The following PTPRM variants were observed in gnomAD, a reference collection of about 807,000 sequenced individuals.
PTPRM encodes the protein protein tyrosine phosphatase receptor type M, also known as receptor-type tyrosine-protein phosphatase mu.
PTPRM carries 47 observed loss-of-function variants against 186.7 expected under a neutral mutation model. The ratio of observed to expected loss-of-function variants is 0.25; its 90% CI spans 0.20 to 0.32. PTPRM has a LOEUF of 0.32. Ranked by LOEUF, PTPRM falls within the 10% of genes least tolerant of loss-of-function variation. PTPRM has a pLI of 1.00. For synonymous variants in PTPRM, 668 were observed against 674.9 expected (o/e 0.99, Z 0.16); for missense variants, 1,494 against 1,865.0 (o/e 0.80, Z 3.66).
At chr18:8,126,005 AT>A (rs1838341451) in intron 13 of PTPRM, among the ~76,000 whole-genome samples, 1 of 17,042 alleles carries the variant, frequency 5.9e-5, no homozygotes, top group Admixed American at 1.0e-3. Context: ...ATATATATAT[AT>A]ATATATATAT....
chr18:8,101,986 G>C (rs752729999), intron 11 of PTPRM, among the ~76,000 whole-genome samples: 9 of 152,194 alleles, frequency 5.9e-5, no homozygotes, highest in Non-Finnish European at 1.2e-4. Flanking sequence ...CTGCAATAAA[G>C]TGAATATCAC....
intron 1 of PTPRM, among the ~76,000 whole-genome samples, chr18:7,578,372 G>T (rs2036747918): frequency 7.7e-6 from 1 of 129,090 alleles, no homozygotes. Flanking sequence ...GTCTTGCTCT[G>T]TCGCCCAGGC....
At chr18:7,845,084 G>T (rs1331315073) in intron 2 of PTPRM, among the ~76,000 whole-genome samples, 1 of 152,116 alleles carries the variant, frequency 6.6e-6, no homozygotes, top group East Asian at 1.9e-4. Context: ...TTATCTGAAT[G>T]AACAGTTCTC....
At chr18:8,098,966 T>A (rs1408787575) in intron 11 of PTPRM, among the ~76,000 whole-genome samples, 5 of 152,176 alleles carry the variant, frequency 3.3e-5, no homozygotes, top group Non-Finnish European at 7.3e-5. Flanking sequence ...TTCTACTCAC[T>A]TCCTGGGGCA....
intron 19 of PTPRM, among the ~76,000 whole-genome samples, chr18:8,281,491 G>A (rs958238434): frequency 3.3e-5 from 5 of 152,148 alleles, no homozygotes; most frequent in South Asian, 4.1e-4. Context: ...TGCTGCTTGT[G>A]GTTCTGAGCT....
At chr18:7,816,050 T>A (rs1361886739) in intron 2 of PTPRM, among the ~76,000 whole-genome samples, 1 of 152,228 alleles carries the variant, frequency 6.6e-6, no homozygotes, top group Non-Finnish European at 1.5e-5. Context: ...GTGAGTGATA[T>A]GTGCCTTAGG....
rs142872299 is a variant in PTPRM, at chr18:8,100,485, A to T, written c.1856+11634A>T. Among the ~76,000 whole-genome samples, 502 of 152,298 alleles carry T rather than the reference A, an allele frequency of 3.3e-3. 2 individuals carry two copies. The highest frequency in any genetic ancestry group is 0.012 in the African/African-American group (485 of 41,572). ...GAGACCAAATCTCGTGCAAACTCAG[A>T]GTGAGATATCACTTATCCCCAAGGA... On this transcript the variant is annotated intron_variant, in intron 11 of 32. Transcript: ENST00000580170.
intron 15 of PTPRM, 151 bp from the exon 16 acceptor site, chr18:8,247,694 A>C: frequency 3.3e-6 from 2 of 605,340 alleles, no homozygotes; most frequent in Middle Eastern, 3.0e-4. Flanking sequence ...CTCAGAAACA[A>C]CTGGGAATGA....
At chr18:7,666,926 G>T (rs1278964281) in intron 1 of PTPRM, among the ~76,000 whole-genome samples, 2 of 152,148 alleles carry the variant, frequency 1.3e-5, no homozygotes, top group Admixed American at 6.5e-5. Flanking sequence ...TTTAGGGCTG[G>T]CCTGGGAGGA....
chr18:7,817,239 T>C (rs2044885964), intron 2 of PTPRM, among the ~76,000 whole-genome samples: 1 of 152,172 alleles, frequency 6.6e-6, no homozygotes, highest in African/African-American at 2.4e-5. Flanking sequence ...CATCCCAAAG[T>C]GTTGGGATTA....
chr18:8,071,499 G>A (rs1055480094), intron 8 of PTPRM, among the ~76,000 whole-genome samples: 1 of 151,996 alleles, frequency 6.6e-6, no homozygotes, highest in African/African-American at 2.4e-5. Context: ...TTTTCATCTT[G>A]GCTGTCTCTC....
intron 4 of PTPRM, among the ~76,000 whole-genome samples, chr18:7,908,986 T>C (rs941708585): frequency 1.3e-5 from 2 of 152,210 alleles, no homozygotes; most frequent in East Asian, 1.9e-4. Context: ...TCTAATGACA[T>C]AGTCTGCCTC....
At chr18:8,115,488 T>C (rs2091921669) in intron 13 of PTPRM, among the ~76,000 whole-genome samples, 1 of 152,220 alleles carries the variant, frequency 6.6e-6, no homozygotes, top group Non-Finnish European at 1.5e-5. Flanking sequence ...CTGGTCAACT[T>C]GACAGTGTTG....
chr18:8,394,659 A>G, intron 32 of PTPRM, 48 bp downstream of exon 32: 1 of 1,509,834 alleles, frequency 6.6e-7, no homozygotes, highest in Non-Finnish European at 8.9e-7. Context: ...CATTAGCATT[A>G]GAATCCACTC....
chr18:7,805,069 C>T (rs2044165320), intron 2 of PTPRM, among the ~76,000 whole-genome samples: 2 of 152,198 alleles, frequency 1.3e-5, no homozygotes, highest in Admixed American at 1.3e-4. Context: ...TTAAAAGTGA[C>T]AGAAGCACTT....
At chr18:7,858,571 ATAAG>A (rs888157520) in intron 2 of PTPRM, among the ~76,000 whole-genome samples, 11 of 152,188 alleles carry the variant, frequency 7.2e-5, no homozygotes, top group Middle Eastern at 3.2e-3. Flanking sequence ...AAAACAAAAA[ATAAG>A]TAAGTTCAGA....
At chr18:7,653,561 A>T (rs1598304340) in intron 1 of PTPRM, among the ~76,000 whole-genome samples, 2 of 152,032 alleles carry the variant, frequency 1.3e-5, no homozygotes, top group East Asian at 3.9e-4. Context: ...TATCAGTGAG[A>T]ACATGTTTTA....
At chr18:7,663,846 G>A (rs1272612997) in intron 1 of PTPRM, among the ~76,000 whole-genome samples, 3 of 152,212 alleles carry the variant, frequency 2.0e-5, no homozygotes, top group Non-Finnish European at 4.4e-5. Context: ...GCACCTGGGG[G>A]TCCTGCCTCA....
chr18:7,797,781 C>A (rs1016535849), intron 2 of PTPRM, among the ~76,000 whole-genome samples: 4 of 152,162 alleles, frequency 2.6e-5, no homozygotes, highest in Admixed American at 6.5e-5. Flanking sequence ...ATGACACCTG[C>A]AGTGTTTCAG....
Sources: allele counts gnomAD v4.1 joint callset (sites outside exome capture counted in the v4.1 genomes callset), GRCh38; gene constraint gnomAD v4.1.1; transcripts MANE v1.5; gene names NCBI Gene and HGNC (gene_info 2026-07-23, HGNC 2026-07-21).